Variants in EEPD1 observed in about 807,000 individuals in gnomAD.
The protein encoded by EEPD1 is endonuclease/exonuclease/phosphatase family domain-containing protein 1.
In EEPD1, 17 loss-of-function variants were observed where a neutral mutation model predicts 46.3. The observed-to-expected ratio is 0.37, with a 90% confidence interval of 0.25 to 0.55. The LOEUF is 0.55. EEPD1 is among the 20% of genes least tolerant of loss of function. EEPD1 has a pLI of 0.83. For missense variants in EEPD1, 673 were observed against 745.6 expected (o/e 0.90, Z 1.13); for synonymous variants, 313 against 315.6 (o/e 0.99, Z 0.09).
At chr7:36,215,570 T>G (rs1786017222) in intron 2 of EEPD1, among the ~76,000 whole-genome samples, 1 of 152,232 alleles carries the variant, frequency 6.6e-6, no homozygotes, top group African/African-American at 2.4e-5. Flanking sequence ...GCAGAATAAG[T>G]GCCCATTTGT....
chr7:36,290,822 A>G (rs1383419062), intron 6 of EEPD1, among the ~76,000 whole-genome samples: 2 of 152,188 alleles, frequency 1.3e-5, no homozygotes, highest in Non-Finnish European at 2.9e-5. Context: ...AGTCAGCCCA[A>G]AACGTTCTCC....
chr7:36,249,692 T>C lies in EEPD1; in HGVS notation c.930+10656T>C, dbSNP rs183861811. On this transcript the variant is annotated intron_variant, in intron 3 of 7. Transcript: ENST00000242108. ...CTCTGTAAAACATGTATTTATTCTT[T>C]GAACCAGTGTGTATTGAGTACCTCC... 2.0e-3 allele frequency among the ~76,000 whole-genome samples: 311 copies of C among 152,374 alleles called. 1 individual carries two copies. Among genetic ancestry groups the C allele is most frequent in the African/African-American group, 7.2e-3 (299 of 41,582 alleles).
rs146164501 is a variant in EEPD1, at chr7:36,286,737, G to A, written c.1177-902G>A. 9.7e-4 allele frequency among the ~76,000 whole-genome samples: 147 copies of A among 152,272 alleles called. 1 individual carries two copies. The South Asian group carries it at 0.013, about 14-fold the overall frequency. ...GTGTGGGAGGTGTAGGGAGGAGGAG[G>A]AGGCACATCCCAGCGGTGGGTCCTG... On this transcript the variant is annotated intron_variant, in intron 5 of 7. Coordinates refer to ENST00000242108, the MANE Select transcript of EEPD1 (RefSeq NM_030636.3).
chr7:36,248,322 C>G (rs1190046591), intron 3 of EEPD1, among the ~76,000 whole-genome samples: 1 of 151,720 alleles, frequency 6.6e-6, no homozygotes, highest in Non-Finnish European at 1.5e-5. Context: ...TTACCCCCCT[C>G]AGCCTCCCGA....
At chr7:36,298,932 CA>C in intron 7 of EEPD1, 74 bp from the exon 8 acceptor site, 3 of 1,539,792 alleles carry the variant, frequency 1.9e-6, no homozygotes, top group Non-Finnish European at 2.7e-6. Context: ...TGTGACCCTC[CA>C]CCTGCCAATC....
chr7:36,208,626 G>A (rs1456286883), intron 2 of EEPD1, among the ~76,000 whole-genome samples: 2 of 152,244 alleles, frequency 1.3e-5, no homozygotes, highest in Non-Finnish European at 2.9e-5. Flanking sequence ...CAGGAAGGCA[G>A]ATGGGCCCCC....
At chr7:36,181,289 G>A (rs993998402) in intron 2 of EEPD1, among the ~76,000 whole-genome samples, 5 of 151,678 alleles carry the variant, frequency 3.3e-5, no homozygotes, top group African/African-American at 4.8e-5. Context: ...TTTCACACTC[G>A]GAGGGCTGTG....
intron 2 of EEPD1, among the ~76,000 whole-genome samples, chr7:36,181,297 G>C (rs1241477862): frequency 6.6e-6 from 1 of 152,092 alleles, no homozygotes; most frequent in Non-Finnish European, 1.5e-5. Context: ...TCGGAGGGCT[G>C]TGGCTGTGCT....
chr7:36,219,596 A>G (rs76354048), intron 2 of EEPD1, among the ~76,000 whole-genome samples: 24 of 146,346 alleles, frequency 1.6e-4, no homozygotes, highest in Admixed American at 8.3e-4. Flanking sequence ...AAAGAAGAAG[A>G]AGGAGGAAGA....
At chr7:36,191,392 G>A (rs1785458718) in intron 2 of EEPD1, among the ~76,000 whole-genome samples, 1 of 152,314 alleles carries the variant, frequency 6.6e-6, no homozygotes. Context: ...CTGGAGAGGT[G>A]GGAAGAGGGA....
chr7:36,231,645 C>G (rs1786331906), intron 2 of EEPD1, among the ~76,000 whole-genome samples: 1 of 152,192 alleles, frequency 6.6e-6, no homozygotes, highest in South Asian at 2.1e-4. Context: ...GTGTGTTCAT[C>G]TTGTCCCCCA....
At chr7:36,288,704 G>A (rs574998902) in intron 6 of EEPD1, among the ~76,000 whole-genome samples, 33 of 151,688 alleles carry the variant, frequency 2.2e-4, no homozygotes, top group African/African-American at 7.5e-4. Context: ...CGAGGCTGCA[G>A]TGAGCTTTGA....
At chr7:36,168,394 G>A (rs746179489) in intron 2 of EEPD1, among the ~76,000 whole-genome samples, 3 of 152,144 alleles carry the variant, frequency 2.0e-5, no homozygotes, top group African/African-American at 4.8e-5. Context: ...ATTACCCAGC[G>A]CCCAAACTCT....
chr7:36,242,768 C>CAAAAAAAAAAAA (rs34909516), intron 3 of EEPD1, among the ~76,000 whole-genome samples: 4 of 85,366 alleles, frequency 4.7e-5, no homozygotes, highest in Admixed American at 1.2e-4. Flanking sequence ...AATAAAAATA[C>CAAAAAAAAAAAA]AAAAAAAAAA....
intron 3 of EEPD1, among the ~76,000 whole-genome samples, chr7:36,243,457 G>T (rs1786589166): frequency 6.6e-6 from 1 of 152,168 alleles, no homozygotes; most frequent in South Asian, 2.1e-4. Flanking sequence ...AAAGGGCTTA[G>T]TTAGACACAC....
intron 2 of EEPD1, among the ~76,000 whole-genome samples, chr7:36,160,681 GGC>G (rs1491309883): frequency 0.012 from 1,303 of 104,426 alleles, 99 homozygotes; most frequent in African/African-American, 0.045. Flanking sequence ...GGTGGTGGGG[GGC>G]GGGGCGTGCA....
Position 36,299,470 on chromosome 7 carries a change from G to T in EEPD1, c.*264G>T. On this transcript the variant is annotated 3_prime_UTR_variant, in exon 8 of 8. Coordinates refer to ENST00000242108, the MANE Select transcript of EEPD1 (RefSeq NM_030636.3). ...TTTTATCTCTGGATGCCACAGACCT[G>T]AGCAGCATTGGGCTGGCTGTCCGCT... 1.9e-6 allele frequency: 1 copy of T among 519,158 alleles called. No homozygotes were observed. The allele number at this position is 519,158 out of a possible 1,614,324, so 32.2% of individuals were successfully genotyped here.
chr7:36,267,490 T>A (rs887446085), intron 3 of EEPD1, among the ~76,000 whole-genome samples: 1 of 152,054 alleles, frequency 6.6e-6, no homozygotes, highest in African/African-American at 2.4e-5. Flanking sequence ...TCTCCCCTCC[T>A]CTTGGCCTAA....
At chr7:36,287,977 A>G (rs1787367365) in intron 6 of EEPD1, among the ~76,000 whole-genome samples, 200 bp downstream of exon 6, 1 of 152,188 alleles carries the variant, frequency 6.6e-6, no homozygotes, top group Non-Finnish European at 1.5e-5. Flanking sequence ...TGGACCTAGC[A>G]TATGCGTTCC....
Sources: allele counts gnomAD v4.1 joint callset (sites outside exome capture counted in the v4.1 genomes callset), GRCh38; gene constraint gnomAD v4.1.1; transcripts MANE v1.5; gene names NCBI Gene and HGNC (gene_info 2026-07-23, HGNC 2026-07-21).